The following PPFIA1 variants were observed in gnomAD, a reference collection of about 807,000 sequenced individuals.
PPFIA1 encodes the protein liprin-alpha-1.
PPFIA1 carries 25 observed loss-of-function variants against 149.9 expected under a neutral mutation model. That is an observed-to-expected ratio of 0.17 (90% confidence interval 0.12 to 0.23). The LOEUF (loss-of-function observed/expected upper bound fraction) is 0.23. Among genes scored for constraint, PPFIA1 ranks in the 10% least tolerant of loss-of-function variants. PPFIA1 has a pLI of 1.00. For synonymous variants in PPFIA1, 549 were observed against 552.8 expected, an observed-to-expected ratio of 0.99 and a Z score of 0.10; for missense variants, 1,362 against 1,506.5, an observed-to-expected ratio of 0.90 and a Z score of 1.59.
At chr11:70,343,246 G>A (rs117571245) in intron 14 of PPFIA1, among the ~76,000 whole-genome samples, 4 of 152,122 alleles carry the variant, frequency 2.6e-5, no homozygotes, top group Admixed American at 6.6e-5. Context: ...CACGCCTGGC[G>A]TGTATCACCT....
chr11:70,344,588 C>T lies in PPFIA1; in HGVS notation c.1931+696C>T, dbSNP rs77232793. Among the ~76,000 whole-genome samples the T allele has an allele frequency of 1.5e-3, 222 of 152,324 alleles. 3 individuals are homozygous for T. The East Asian group carries it at 0.027, about 19-fold the overall frequency. On this transcript the variant is annotated intron_variant, in intron 15 of 27. Transcript: ENST00000253925. ...GCACAGAAGAGGCTGTGTGTAGTGA[C>T]GTTTAAAAGTGTAGAACGTTTACCT...
intron 2 of PPFIA1, among the ~76,000 whole-genome samples, chr11:70,292,318 T>C (rs1267585421): frequency 6.6e-6 from 1 of 152,210 alleles, no homozygotes; most frequent in Non-Finnish European, 1.5e-5. Flanking sequence ...TGTGCGTCCT[T>C]TCTGCCTGCC....
At chr11:70,365,286 G>A in intron 21 of PPFIA1, 1 of 421,924 alleles carries the variant, frequency 2.4e-6, no homozygotes, top group East Asian at 7.4e-5. Context: ...CCCCTTCTCT[G>A]TGCCTGTGGC....
chr11:70,295,011 G>A (rs573193080), intron 2 of PPFIA1, among the ~76,000 whole-genome samples: 4 of 152,134 alleles, frequency 2.6e-5, no homozygotes, highest in Non-Finnish European at 4.4e-5. Context: ...GCCTTTCCCC[G>A]CTTTCTATTC....
At chr11:70,299,568 T>A (rs1459762916) in intron 2 of PPFIA1, among the ~76,000 whole-genome samples, 1 of 152,172 alleles carries the variant, frequency 6.6e-6, no homozygotes, top group Non-Finnish European at 1.5e-5. Flanking sequence ...CCCTTCTGGA[T>A]GCTCCGGGGA....
chr11:70,280,776 C>A (rs1008359607), intron 2 of PPFIA1, among the ~76,000 whole-genome samples: 1 of 152,152 alleles, frequency 6.6e-6, no homozygotes, highest in Non-Finnish European at 1.5e-5. Context: ...CTATTTTGCC[C>A]AAGCTGTTCT....
At chr11:70,343,427 C>T (rs567916793) in intron 14 of PPFIA1, among the ~76,000 whole-genome samples, 8 of 152,108 alleles carry the variant, frequency 5.3e-5, no homozygotes, top group Non-Finnish European at 1.2e-4. Flanking sequence ...TTGTGTATTT[C>T]GCCATGGAAA....
intron 2 of PPFIA1, among the ~76,000 whole-genome samples, chr11:70,307,117 A>G (rs961087443): frequency 3.9e-5 from 6 of 152,264 alleles, no homozygotes. Context: ...GTGGTAAGCC[A>G]CAAGGAAACA....
chr11:70,365,282 C>T (rs2056861138), intron 21 of PPFIA1: 1 of 415,200 alleles, frequency 2.4e-6, no homozygotes, highest in South Asian at 1.7e-5. Flanking sequence ...TCGGCCCCTT[C>T]TCTGTGCCTG....
intron 15 of PPFIA1, among the ~76,000 whole-genome samples, chr11:70,344,517 C>A (rs1339743289): frequency 6.6e-6 from 1 of 152,216 alleles, no homozygotes; most frequent in African/African-American, 2.4e-5. Flanking sequence ...GACCCTGAAC[C>A]CTGAAAGGAG....
chr11:70,276,755 C>T (rs187055192), intron 2 of PPFIA1, among the ~76,000 whole-genome samples: 1 of 151,394 alleles, frequency 6.6e-6, no homozygotes, highest in Non-Finnish European at 1.5e-5. Flanking sequence ...AGCATTTTTC[C>T]CCGCTAGAGA....
chr11:70,339,106 T>G, intron 13 of PPFIA1, 65 bp from the exon 14 acceptor site: 3 of 1,589,520 alleles, frequency 1.9e-6, no homozygotes, highest in Non-Finnish European at 2.6e-6. Context: ...AGATTCTGCC[T>G]TAACTAAAAG....
At chr11:70,374,807 G>T (rs1223183639) in intron 23 of PPFIA1, 111 bp from the exon 24 acceptor site, 21 of 981,356 alleles carry the variant, frequency 2.1e-5, no homozygotes, top group Non-Finnish European at 3.2e-5. Context: ...CTTTTCTCAG[G>T]AGCCGAAGGA....
At chr11:70,303,366 G>A (rs72947012) in intron 2 of PPFIA1, among the ~76,000 whole-genome samples, 19,286 of 152,126 alleles carry the variant, frequency 0.13, 1,333 homozygotes, top group Admixed American at 0.18. Flanking sequence ...TAAATGTCAC[G>A]GAAAAAGTTT....
At position 70,325,626 on chromosome 11, in the gene PPFIA1, C is replaced by T. The variant is rs764837125; in HGVS notation, c.606+52C>T. Reference sequence around the variant, plus strand: ...GAATTGGGGGGGGGTTATTTTTATCCTTTAATTATTAAAAGCAGCATAAGG... The same window carrying T: ...GAATTGGGGGGGGGTTATTTTTATCTTTTAATTATTAAAAGCAGCATAAGG... On this transcript the variant is annotated intron_variant, in intron 5 of 27. Transcript: ENST00000253925. The T allele has an allele frequency of 3.6e-6, 5 of 1,372,030 alleles. No individual in the cohort carries two copies. The African/African-American group carries it at 4.3e-5, about 12-fold the overall frequency. The allele number at this position is 1,372,030 out of a possible 1,614,324, so 85.0% of individuals were successfully genotyped here.
chr11:70,379,290 CA>C lies in PPFIA1; in HGVS notation c.3550+1105del, dbSNP rs1002499181. Among the ~76,000 whole-genome samples the C allele has an allele frequency of 1.4e-4, 20 of 145,712 alleles. No homozygotes were observed. The East Asian group carries it at 1.8e-3, about 13-fold the overall frequency. ...CCAACATGGCGAAACCCCGTCTCTA[CA>C]AAAAAAAAATACAAAAATTAGCCAG... On this transcript the variant is annotated intron_variant, in intron 26 of 27. Transcript: ENST00000253925.
rs572570859 is a variant in PPFIA1 at position 70,319,187 on chromosome 11, C to T, written c.265-5215C>T. 1.1e-3 allele frequency among the ~76,000 whole-genome samples: 171 copies of T among 152,340 alleles called. 1 individual carries two copies. Among genetic ancestry groups the T allele is most frequent in the Admixed American group, 2.7e-3 (41 of 15,308 alleles). On this transcript the variant is annotated intron_variant, in intron 2 of 27. Transcript: ENST00000253925. ...CCGCCAGAATCCTTGGAGGCATCCT[C>T]GTGCCTTTCTTTCTCTGCGATCTTT...
chr11:70,281,347 T>G (rs1267394955), intron 2 of PPFIA1, among the ~76,000 whole-genome samples: 1 of 152,190 alleles, frequency 6.6e-6, no homozygotes, highest in African/African-American at 2.4e-5. Flanking sequence ...AAGCGTCAGT[T>G]GAAGCTGCCT....
intron 2 of PPFIA1, among the ~76,000 whole-genome samples, chr11:70,298,417 AG>A (rs2052237643): frequency 6.6e-6 from 1 of 152,226 alleles, no homozygotes; most frequent in Admixed American, 6.5e-5. Context: ...ATGATGAATT[AG>A]GAGACTGCTT....
Sources: gnomAD v4.1 joint callset for allele counts (sites outside exome capture counted in the v4.1 genomes callset) on GRCh38, gnomAD v4.1.1 for gene constraint, MANE v1.5 for transcripts, NCBI Gene and HGNC (gene_info 2026-07-23, HGNC 2026-07-21) for gene names.